Variants in TLE4 observed in about 807,000 individuals in gnomAD.
TLE4 encodes the protein transducin-like enhancer protein 4.
A neutral mutation model predicts 92.8 loss-of-function variants in TLE4; 8 were observed. The observed-to-expected ratio is 0.09, with a 90% CI of 0.05 to 0.16. The LOEUF (loss-of-function observed/expected upper bound fraction) is 0.16, where lower values mean the gene tolerates loss of function less well. Ranked by LOEUF, TLE4 falls within the 10% of genes least tolerant of loss-of-function variation. The pLI is 1.00. For missense variants in TLE4, 675 were observed against 997.6 expected (o/e 0.68, Z 4.36); for synonymous variants, 371 against 374.1 (o/e 0.99, Z 0.10).
intron 8 of TLE4, chr9:79,671,061 A>T (rs2062240518): frequency 7.0e-6 from 1 of 142,932 alleles, no homozygotes; most frequent in Non-Finnish European, 1.7e-5. Flanking sequence ...ATTTTGCCTA[A>T]AAAAAAATCT....
At chr9:79,699,802 T>G (rs946041409) in intron 8 of TLE4, among the ~76,000 whole-genome samples, 1 of 152,240 alleles carries the variant, frequency 6.6e-6, no homozygotes, top group African/African-American at 2.4e-5. Context: ...AAGTCCATTG[T>G]GGAGATGGTA....
chr9:79,719,116 G>A (rs934745113), intron 15 of TLE4, 145 bp downstream of exon 15: 3 of 1,269,692 alleles, frequency 2.4e-6, no homozygotes, highest in African/African-American at 3.0e-5. Flanking sequence ...CTTTCACTTG[G>A]AGGTGTGTCT....
chr9:79,701,215 C>A (rs934441982), intron 8 of TLE4, among the ~76,000 whole-genome samples: 5 of 152,078 alleles, frequency 3.3e-5, no homozygotes, highest in Non-Finnish European at 5.9e-5. Context: ...TGCTGATTGC[C>A]CCAGTGCCCA....
chr9:79,589,397 C>T (rs2041992625), intron 4 of TLE4, among the ~76,000 whole-genome samples: 1 of 151,672 alleles, frequency 6.6e-6, no homozygotes. Context: ...TTACATGATC[C>T]TTTGTAATCT....
intron 6 of TLE4, among the ~76,000 whole-genome samples, chr9:79,648,568 A>T (rs1587792160): frequency 6.6e-6 from 1 of 152,206 alleles, no homozygotes; most frequent in East Asian, 1.9e-4. Flanking sequence ...AGGGAAAAAA[A>T]CCACAGGTGG....
In TLE4 at chr9:79,574,909, G is replaced by A. The variant is rs757913564; in HGVS notation, c.180G>A (p.Lys60=). Residue 60 remains lysine, a synonymous_variant, in exon 3 of 20, where the codon AAG becomes AAA. Transcript: ENST00000376552. ...KLECEKLASE[K]TEMQRHYVMY... Reference sequence around the variant, plus strand: ...AATGTGAGAAACTCGCCAGTGAGAAGACAGAGATGCAGCGGCATTATGTCA... The same window carrying A: ...AATGTGAGAAACTCGCCAGTGAGAAAACAGAGATGCAGCGGCATTATGTCA... 1 of 1,613,632 alleles carries A rather than the reference G, an allele frequency of 6.2e-7. No homozygotes were observed. Among genetic ancestry groups the A allele is most frequent in the Non-Finnish European group, 8.5e-7 (1 of 1,179,706 alleles).
intron 4 of TLE4, among the ~76,000 whole-genome samples, chr9:79,581,286 C>T (rs1311553275): frequency 6.6e-6 from 1 of 152,122 alleles, no homozygotes; most frequent in East Asian, 1.9e-4. Context: ...TGGGCAGGAC[C>T]CAGTGACCTG....
chr9:79,660,793 A>C (rs2060419881), intron 8 of TLE4, among the ~76,000 whole-genome samples: 1 of 152,232 alleles, frequency 6.6e-6, no homozygotes, highest in African/African-American at 2.4e-5. Context: ...TCTTTAGGGC[A>C]TAGCTGGTCC....
chr9:79,594,777 A>G (rs541566211), intron 4 of TLE4, among the ~76,000 whole-genome samples: 4 of 152,284 alleles, frequency 2.6e-5, no homozygotes, highest in Admixed American at 2.0e-4. Context: ...TAAATGGGCA[A>G]AAAGAATCAT....
chr9:79,708,360 GT>G, intron 12 of TLE4, 110 bp downstream of exon 12: 1 of 1,309,008 alleles, frequency 7.6e-7, no homozygotes, highest in Non-Finnish European at 1.0e-6. Context: ...TTGAATGGCT[GT>G]TAGACAAAGT....
chr9:79,693,544 C>T, intron 8 of TLE4: 1 of 408,664 alleles, frequency 2.4e-6, no homozygotes, highest in Non-Finnish European at 4.7e-6. Context: ...TAAGACTTAC[C>T]AGATAGCAGA....
chr9:79,699,460 G>A (rs952232262), intron 8 of TLE4, among the ~76,000 whole-genome samples: 2 of 152,186 alleles, frequency 1.3e-5, no homozygotes, highest in South Asian at 4.1e-4. Context: ...AGAGTGAAGG[G>A]AAGTCTGGAC....
At position 79,722,487 on chromosome 9, in the gene TLE4, C is replaced by G. The variant is rs780715121; in HGVS notation, c.2023C>G (p.Leu675Val). ...SLGYCPTGEW[L>V]AVGMENSNVE... ...GGGCTACTGCCCAACTGGAGAGTGG[C>G]TTGCAGTGGGGATGGAGAACAGCAA... The change falls in exon 18 of 20, where the codon CTT (leucine) becomes GTT (valine). Residue 675 changes from leucine (L) to valine (V), a missense_variant. By Grantham distance (32) the Leu-to-Val change is conservative. Coordinates refer to ENST00000376552, the MANE Select transcript of TLE4 (RefSeq NM_007005.6). 8 of 1,614,080 alleles carry G rather than the reference C, an allele frequency of 5.0e-6. No homozygotes were observed. The Admixed American group carries it at 1.3e-4, about 27-fold the overall frequency.
At chr9:79,673,204 T>C (rs1458105670) in intron 8 of TLE4, among the ~76,000 whole-genome samples, 4 of 152,178 alleles carry the variant, frequency 2.6e-5, no homozygotes, top group Non-Finnish European at 4.4e-5. Context: ...GGAATGAAAT[T>C]TTTAAAGAGC....
chr9:79,666,806 G>A (rs1431284971), intron 8 of TLE4, among the ~76,000 whole-genome samples: 1 of 152,028 alleles, frequency 6.6e-6, no homozygotes, highest in Non-Finnish European at 1.5e-5. Context: ...AGTGGCTTCA[G>A]CATTTTAAGA....
chr9:79,710,235 C>A (rs1040421105), intron 14 of TLE4, among the ~76,000 whole-genome samples: 1 of 152,194 alleles, frequency 6.6e-6, no homozygotes, highest in Non-Finnish European at 1.5e-5. Flanking sequence ...CTTCTCTGAA[C>A]GGATCTCATT....
chr9:79,717,880 G>A (rs1450267612), intron 14 of TLE4: 5 of 426,178 alleles, frequency 1.2e-5, no homozygotes, highest in African/African-American at 1.0e-4. Flanking sequence ...GGCGTCTTCT[G>A]CTTCCAGAAA....
At chr9:79,652,894 A>G (rs763892860) in intron 7 of TLE4, 100 bp downstream of exon 7, 2 of 1,255,446 alleles carry the variant, frequency 1.6e-6, no homozygotes, top group Non-Finnish European at 2.3e-6. Context: ...TAGTTTTACC[A>G]GTGACTAAAC....
chr9:79,591,840 A>G (rs188837096), intron 4 of TLE4, among the ~76,000 whole-genome samples: 5 of 152,260 alleles, frequency 3.3e-5, no homozygotes, highest in Non-Finnish European at 7.4e-5. Context: ...GGTGTTGATA[A>G]TGCTGCCAGG....
Sources: gnomAD v4.1 joint callset for allele counts (sites outside exome capture counted in the v4.1 genomes callset) on GRCh38, gnomAD v4.1.1 for gene constraint, MANE v1.5 for transcripts, NCBI Gene and HGNC (gene_info 2026-07-23, HGNC 2026-07-21) for gene names.